C20orf203: variants seen among roughly 807,000 people sequenced by gnomAD.
C20orf203 encodes the protein chromosome 20 open reading frame 203, also known as uncharacterized protein C20orf203.
A neutral mutation model predicts 15.9 loss-of-function variants in C20orf203; 16 were observed. That is an observed-to-expected ratio of 1.01 (90% CI 0.68 to 1.53). The LOEUF is 1.53. Among genes scored for constraint, C20orf203 ranks in the 40% most tolerant of loss-of-function variants. The pLI is 0.00. For synonymous variants in C20orf203, 98 were observed against 97.2 expected (o/e 1.01, Z -0.05); for missense variants, 263 against 247.5 (o/e 1.06, Z -0.42).
In C20orf203 at chr20:32,651,789, G is replaced by A. The variant is rs1339413052; in HGVS notation, c.-71C>T. ...TGAGGAGGAGGATTAGAGAGCTTAA[G>A]TGACTTCTGCAAAGCCACACCACTA... On this transcript the variant is annotated 5_prime_UTR_variant, in exon 2 of 6. Transcript: ENST00000608990. 6.6e-6 allele frequency: 1 copy of A among 152,264 alleles called. No individual in the cohort carries two copies. Among genetic ancestry groups the A allele is most frequent in the Non-Finnish European group, 1.5e-5 (1 of 68,094 alleles). 9.4% of individuals were successfully genotyped at this position (152,264 alleles called of 1,614,324 possible).
intron 1 of C20orf203, among the ~76,000 whole-genome samples, chr20:32,658,905 C>T (rs1033206420): frequency 1.3e-5 from 2 of 150,314 alleles, no homozygotes; most frequent in African/African-American, 2.4e-5. Context: ...AACAGAGTTT[C>T]GCTCTTGTTG....
At chr20:32,635,467 G>A (rs1162450265) in intron 5 of C20orf203, among the ~76,000 whole-genome samples, 1 of 151,712 alleles carries the variant, frequency 6.6e-6, no homozygotes, top group Non-Finnish European at 1.5e-5. Flanking sequence ...CTGCACTCCA[G>A]CCTGAGTGAC....
chr20:32,661,614 G>A (rs759816463), intron 1 of C20orf203, among the ~76,000 whole-genome samples: 18 of 152,196 alleles, frequency 1.2e-4, no homozygotes, highest in Non-Finnish European at 2.2e-4. Context: ...GGGGTGCTGA[G>A]CAGGAATTTG....
chr20:32,665,295 G>C (rs181585568), intron 1 of C20orf203, among the ~76,000 whole-genome samples: 1 of 152,216 alleles, frequency 6.6e-6, no homozygotes, highest in Admixed American at 6.5e-5. Flanking sequence ...TGCAGAATGC[G>C]GGACAGTTCC....
At chr20:32,669,763 T>G (rs555529666) in intron 1 of C20orf203, among the ~76,000 whole-genome samples, 1 of 152,268 alleles carries the variant, frequency 6.6e-6, no homozygotes, top group South Asian at 2.1e-4. Context: ...TTCTTGAATA[T>G]GGCACCAAAA....
At position 32,638,640 on chromosome 20, in the gene C20orf203, G is replaced by T. The variant is rs534492363; in HGVS notation, c.*1299+1926C>A. ...AGCTGTGCTTGAATGCAAAACAGCT[G>T]CACAAAACTGGAGGACAGGAGGGAC... On this transcript the variant is annotated intron_variant, in intron 5 of 5. Transcript: ENST00000608990. 5.9e-5 allele frequency among the ~76,000 whole-genome samples: 9 copies of T among 152,358 alleles called. No individual in the cohort carries two copies. The South Asian group carries it at 1.9e-3, about 32-fold the overall frequency.
At chr20:32,644,359 A>G (rs904628612) in intron 4 of C20orf203, among the ~76,000 whole-genome samples, 2 of 152,090 alleles carry the variant, frequency 1.3e-5, no homozygotes, top group Admixed American at 1.3e-4. Context: ...GAGGCAGGAG[A>G]ATTGCTTGAA....
intron 1 of C20orf203, among the ~76,000 whole-genome samples, chr20:32,655,880 G>A (rs555724436): frequency 1.2e-4 from 18 of 152,370 alleles, no homozygotes; most frequent in East Asian, 3.8e-4. Flanking sequence ...GATCTCCAGC[G>A]CTGGAGGTGG....
At position 32,633,649 on chromosome 20, in the gene C20orf203, C is replaced by T. The variant is rs1343441019; in HGVS notation, c.*1921G>A. On this transcript the variant is annotated 3_prime_UTR_variant, in exon 6 of 6. Transcript: ENST00000608990. ...AAACTGAGGCACAAAGAAGCTGTCC[C>T]TGGCACAGGGTCACAATTTGAACCT... 1 of 211,800 alleles carries T rather than the reference C, an allele frequency of 4.7e-6. No individual in the cohort carries two copies. Among genetic ancestry groups the T allele is most frequent in the African/African-American group, 2.3e-5 (1 of 43,778 alleles). 13.1% of individuals were successfully genotyped at this position (211,800 alleles called of 1,614,324 possible).
chr20:32,673,073 T>G (rs976455107), intron 1 of C20orf203, among the ~76,000 whole-genome samples: 1 of 151,912 alleles, frequency 6.6e-6, no homozygotes, highest in Admixed American at 6.6e-5. Context: ...TCCTTGGTAG[T>G]AAGGGCTGGG....
At chr20:32,664,043 GCTAGGGAGAGCTGGCCTTTGTCACCCT>G (rs1475304069) in intron 1 of C20orf203, among the ~76,000 whole-genome samples, 1 of 152,216 alleles carries the variant, frequency 6.6e-6, no homozygotes, top group Non-Finnish European at 1.5e-5. Flanking sequence ...CAGCAAGTGG[GCTAGGGAGAGCTGGCCTTTGTCACCCT>G]CCCACTGTGG....
At chr20:32,637,442 G>C (rs977574798) in intron 5 of C20orf203, among the ~76,000 whole-genome samples, 1 of 151,888 alleles carries the variant, frequency 6.6e-6, no homozygotes, top group Non-Finnish European at 1.5e-5. Flanking sequence ...GAAAGAAAAA[G>C]AAACGAATGA....
At chr20:32,639,436 T>G (rs1451165443) in intron 5 of C20orf203, among the ~76,000 whole-genome samples, 1 of 152,048 alleles carries the variant, frequency 6.6e-6, no homozygotes, top group Non-Finnish European at 1.5e-5. Context: ...TGCAAATCAC[T>G]GCACCTCCCT....
chr20:32,638,353 T>A (rs1982193938), intron 5 of C20orf203, among the ~76,000 whole-genome samples: 1 of 152,188 alleles, frequency 6.6e-6, no homozygotes, highest in Non-Finnish European at 1.5e-5. Context: ...CTAAGTGACT[T>A]GCTCAGGGGA....
chr20:32,639,853 C>T (rs1020004715), intron 5 of C20orf203, among the ~76,000 whole-genome samples: 1 of 152,148 alleles, frequency 6.6e-6, no homozygotes, highest in Admixed American at 6.6e-5. Flanking sequence ...ATGAGCTGTG[C>T]CCGGTCAGAG....
intron 1 of C20orf203, chr20:32,656,572 TTACA>T (rs1600936359): frequency 6.6e-6 from 1 of 152,184 alleles, no homozygotes; most frequent in East Asian, 1.9e-4. Flanking sequence ...ACATAAAAAC[TTACA>T]TAAGGCCGGG....
intron 1 of C20orf203, among the ~76,000 whole-genome samples, chr20:32,658,916 C>T (rs945266079): frequency 2.0e-5 from 3 of 151,910 alleles, no homozygotes; most frequent in Non-Finnish European, 2.9e-5. Flanking sequence ...GCTCTTGTTG[C>T]CCAGGCTGGA....
At chr20:32,664,895 A>AT (rs1474964027) in intron 1 of C20orf203, among the ~76,000 whole-genome samples, 5 of 152,208 alleles carry the variant, frequency 3.3e-5, no homozygotes, top group Non-Finnish European at 7.3e-5. Flanking sequence ...GTCGATCCTC[A>AT]TTTAGAGCAG....
rs1481634793 is a variant in C20orf203 at position 32,651,237 on chromosome 20, T to C, written c.-14-71A>G. The C allele has an allele frequency of 1.3e-5, 6 of 451,994 alleles. No individual in the cohort carries two copies. In the Admixed American group the frequency reaches 1.5e-4, roughly 12 times the overall value. The allele number at this position is 451,994 out of a possible 1,614,324, so 28.0% of individuals were successfully genotyped here. A position where few individuals can be genotyped will look rare whatever the true frequency, so the allele number is the denominator to read the frequency against. The stretch of plus-strand genomic sequence containing the variant: ...TTGCGCCTGAGGGTTCAGCTACTCA[T>C]GGGGTAGCTACTCAAGTGGGAGGAT... On this transcript the variant is annotated intron_variant, in intron 2 of 5. Coordinates refer to ENST00000608990, the MANE Select transcript of C20orf203 (RefSeq NM_182584.4).
Sources: gnomAD v4.1 joint callset for allele counts (sites outside exome capture counted in the v4.1 genomes callset) on GRCh38, gnomAD v4.1.1 for gene constraint, MANE v1.5 for transcripts, NCBI Gene and HGNC (gene_info 2026-07-23, HGNC 2026-07-21) for gene names.